Variants in DYTN observed in about 807,000 individuals in gnomAD.
DYTN encodes the protein dystrotelin.
DYTN carries 75 observed loss-of-function variants against 69.6 expected under a neutral mutation model. The observed-to-expected ratio is 1.08, with a 90% CI of 0.89 to 1.31. The LOEUF is 1.31. DYTN is among the 50% of genes most tolerant of loss of function. DYTN has a pLI of 0.00. For synonymous variants in DYTN, 252 were observed against 249.1 expected, an observed-to-expected ratio of 1.01 and a Z score of -0.11; for missense variants, 726 against 688.4, an observed-to-expected ratio of 1.05 and a Z score of -0.61.
At chr2:206,685,334 A>T (rs777407408) in intron 9 of DYTN, among the ~76,000 whole-genome samples, 71 of 151,596 alleles carry the variant, frequency 4.7e-4, no homozygotes, top group South Asian at 1.9e-3. Context: ...GATAATTTTT[A>T]ATTTTTTCTG....
intron 1 of DYTN, among the ~76,000 whole-genome samples, chr2:206,717,016 C>T (rs545858869): frequency 4.7e-5 from 7 of 148,148 alleles, no homozygotes; most frequent in Admixed American, 2.7e-4. Context: ...TCAAGGCTAA[C>T]TTTTACATTT....
intron 9 of DYTN, among the ~76,000 whole-genome samples, chr2:206,686,044 A>G (rs1216939050): frequency 1.3e-5 from 2 of 150,408 alleles, no homozygotes; most frequent in East Asian, 2.0e-4. Flanking sequence ...TCTTCCTTGG[A>G]GGGTATCTAC....
intron 8 of DYTN, among the ~76,000 whole-genome samples, chr2:206,693,739 C>T (rs1010657143): frequency 6.6e-6 from 1 of 152,136 alleles, no homozygotes; most frequent in Non-Finnish European, 1.5e-5. Flanking sequence ...CAGGCTCACC[C>T]GAAATCCATT....
At chr2:206,715,959 G>A (rs568957784) in intron 1 of DYTN, among the ~76,000 whole-genome samples, 9 of 152,208 alleles carry the variant, frequency 5.9e-5, no homozygotes, top group East Asian at 1.9e-4. Flanking sequence ...GTGGTGGTGC[G>A]TGCCTGTAAT....
chr2:206,680,039 C>T (rs531589992), intron 9 of DYTN, among the ~76,000 whole-genome samples: 3 of 152,222 alleles, frequency 2.0e-5, no homozygotes, highest in South Asian at 2.1e-4. Flanking sequence ...CCAGCGTGGT[C>T]GGTCATACAC....
At chr2:206,712,852 C>G (rs1279783354) in intron 1 of DYTN, among the ~76,000 whole-genome samples, 1 of 152,208 alleles carries the variant, frequency 6.6e-6, no homozygotes, top group African/African-American at 2.4e-5. Flanking sequence ...CAAAGTCAGG[C>G]AAGTAATGTT....
At position 206,663,395 on chromosome 2, in the gene DYTN, C is replaced by A. The variant is rs372401712; in HGVS notation, c.1141G>T (p.Ala381Ser). Reference protein sequence around the residue: ...KLQQIRRDLQARLQPPGPSSS... With the variant: ...KLQQIRRDLQSRLQPPGPSSS... ...GAAGGACCGGGTGGCTGCAACCTTG[C>A]CTGGGGAAACAAAACTTTATTTATG... Residue 381 changes from alanine to serine, a missense_variant and splice_region_variant, in exon 11 of 12, where the codon GCA becomes TCA. By Grantham distance (99) the Ala-to-Ser change is moderately conservative (BLOSUM62 1). Transcript: ENST00000452335. The A allele has an allele frequency of 6.4e-6, 10 of 1,567,106 alleles. No individual in the cohort carries two copies. The highest frequency in any genetic ancestry group is 8.6e-6 in the Non-Finnish European group (10 of 1,160,470).
At chr2:206,707,271 T>C (rs747515611) in intron 3 of DYTN, 31 bp downstream of exon 3, 67 of 1,596,878 alleles carry the variant, frequency 4.2e-5, no homozygotes, top group African/African-American at 1.3e-5. Context: ...ACTTTGCCTT[T>C]GAGGTCACAG....
At position 206,693,183 on chromosome 2, in the gene DYTN, C is replaced by A. The variant is rs150696195; in HGVS notation, c.972G>T (p.Ala324=). 3.7e-6 allele frequency: 6 copies of A among 1,610,000 alleles called. No homozygotes were observed. Among genetic ancestry groups the A allele is most frequent in the South Asian group, 2.2e-5 (2 of 90,724 alleles). ...QVNPKGVPHH[A]QARLLKKQLN... ...TCCTCGCAGCCACTCACCTGGCCTGCGCATGGTGAGGCACACCCTTTGGAT... is the reference window on the plus strand; with the variant it reads ...TCCTCGCAGCCACTCACCTGGCCTGAGCATGGTGAGGCACACCCTTTGGAT... The change falls in exon 9 of 12, where the codon GCG becomes GCT. Residue 324 remains alanine (A), a synonymous_variant. Transcript: ENST00000452335.
In DYTN at chr2:206,663,321, A is replaced by G. The variant is rs374054060; in HGVS notation, c.1215T>C (p.Thr405=). Residue 405 remains threonine, a synonymous_variant, in exon 11 of 12, where the codon ACT becomes ACC. Transcript: ENST00000452335. ...NVGNKVDHSS[T]EKVPKGGDYL... ...AATCCCCTCCCTTTGGAACCTTTTC[A>G]GTTGAAGAATGGTCAACCTTGTTCC... 7.4e-6 allele frequency: 12 copies of G among 1,614,046 alleles called. No homozygotes were observed. In the African/African-American group the frequency reaches 1.2e-4, roughly 16 times the overall value.
intron 11 of DYTN, among the ~76,000 whole-genome samples, chr2:206,662,419 A>C (rs1050038007): frequency 6.6e-6 from 1 of 152,194 alleles, no homozygotes; most frequent in African/African-American, 2.4e-5. Flanking sequence ...ACTACAGTAA[A>C]GAAGGATCTT....
At chr2:206,688,522 G>A (rs1699835117) in intron 9 of DYTN, among the ~76,000 whole-genome samples, 1 of 152,142 alleles carries the variant, frequency 6.6e-6, no homozygotes, top group East Asian at 1.9e-4. Context: ...GCACTATCTG[G>A]TTTGACCTCA....
chr2:206,691,260 A>G (rs1014741798), intron 9 of DYTN, among the ~76,000 whole-genome samples: 1 of 152,158 alleles, frequency 6.6e-6, no homozygotes, highest in African/African-American at 2.4e-5. Context: ...TAAAAATACA[A>G]AAATTAGTCA....
intron 9 of DYTN, among the ~76,000 whole-genome samples, chr2:206,684,737 C>A (rs561321509): frequency 6.6e-6 from 1 of 152,276 alleles, no homozygotes; most frequent in African/African-American, 2.4e-5. Flanking sequence ...CTTCACCCAC[C>A]TCTTCTTCCC....
intron 9 of DYTN, among the ~76,000 whole-genome samples, chr2:206,680,194 C>T (rs1341440243): frequency 6.6e-6 from 1 of 152,188 alleles, no homozygotes; most frequent in Non-Finnish European, 1.5e-5. Context: ...AACAAAAGCA[C>T]GTCTTACATG....
chr2:206,651,735 G>T lies in DYTN; in HGVS notation c.*83C>A. On this transcript the variant is annotated 3_prime_UTR_variant, in exon 12 of 12. Transcript: ENST00000452335. ...GTTCACACTAAACTATTAAAAGAAA[G>T]GTAGAAGTCTTAATTCTTTTAATAC... The T allele has an allele frequency of 1.6e-6, 2 of 1,266,276 alleles. No homozygotes were observed. Among genetic ancestry groups the T allele is most frequent in the South Asian group, 1.3e-5 (1 of 77,358 alleles). 78.4% of individuals were successfully genotyped at this position (1,266,276 alleles called of 1,614,324 possible).
intron 7 of DYTN, among the ~76,000 whole-genome samples, chr2:206,697,565 AGG>A (rs1273588744): frequency 6.6e-6 from 1 of 152,220 alleles, no homozygotes; most frequent in Non-Finnish European, 1.5e-5. Context: ...TAATATATCC[AGG>A]CAATTTTTAA....
intron 9 of DYTN, among the ~76,000 whole-genome samples, chr2:206,670,831 A>G (rs1398587755): frequency 2.6e-5 from 4 of 152,100 alleles, no homozygotes; most frequent in Non-Finnish European, 5.9e-5. Flanking sequence ...TTAAGTTGCT[A>G]CCCTGAATGT....
chr2:206,698,114 A>C (rs558915356), intron 7 of DYTN, among the ~76,000 whole-genome samples: 32 of 152,344 alleles, frequency 2.1e-4, no homozygotes, highest in Non-Finnish European at 4.1e-4. Flanking sequence ...GGCAAATCAT[A>C]TTCAGATTTC....
Sources: allele counts gnomAD v4.1 joint callset (sites outside exome capture counted in the v4.1 genomes callset), GRCh38; gene constraint gnomAD v4.1.1; transcripts MANE v1.5; gene names NCBI Gene and HGNC (gene_info 2026-07-23, HGNC 2026-07-21).